Variants in CKMT2 observed in about 807,000 individuals in gnomAD.
CKMT2 encodes creatine kinase S-type, mitochondrial.
A neutral mutation model predicts 48.9 loss-of-function variants in CKMT2; 43 were observed. That is an observed-to-expected ratio of 0.88 (90% CI 0.69 to 1.13). CKMT2 has a LOEUF of 1.13. Among genes scored for constraint, CKMT2 ranks in the 50% most tolerant of loss-of-function variants. The probability of loss-of-function intolerance (pLI) is 0.00; values close to 1 mark genes in which losing one functional copy is unlikely to be tolerated. For missense variants in CKMT2, 472 were observed against 555.4 expected, an observed-to-expected ratio of 0.85 and a Z score of 1.51; for synonymous variants, 206 against 213.0, an observed-to-expected ratio of 0.97 and a Z score of 0.29.
chr5:81,255,001 A>G lies in CKMT2; in HGVS notation c.456A>G (p.Gln152=). ...TTDLDASKIT[Q]GQFDEHYVLS... ...CACAGTCTGCTTGGCAGATCACCCA[A>G]GGGCAGTTCGACGAGCATTACGTGC... The change falls in exon 5 of 10, where the codon CAA becomes CAG. Residue 152 remains glutamine (Q), a synonymous_variant. Transcript: ENST00000254035. 1 of 1,613,762 alleles carries G rather than the reference A, an allele frequency of 6.2e-7. No individual in the cohort carries two copies. The highest frequency in any genetic ancestry group is 2.2e-5 in the East Asian group (1 of 44,866).
At chr5:81,246,460 A>G (rs1242920747) in intron 1 of CKMT2, among the ~76,000 whole-genome samples, 1 of 152,052 alleles carries the variant, frequency 6.6e-6, no homozygotes, top group African/African-American at 2.4e-5. Flanking sequence ...TTTTCTCTGA[A>G]TAATATCCTG....
chr5:81,254,483 G>A lies in CKMT2; in HGVS notation c.439G>A (p.Ala147Thr). The A allele has an allele frequency of 6.2e-7, 1 of 1,613,778 alleles. No individual in the cohort carries two copies. The change falls in exon 4 of 10, where the codon GCA becomes ACA. Residue 147 changes from alanine to threonine, a missense_variant. Ala to Thr is a moderately conservative substitution (Grantham distance 58). Coordinates refer to ENST00000254035, the MANE Select transcript of CKMT2 (RefSeq NM_001099735.2). ...GATGAAGCACACAACGGATCTGGAT[G>A]CATCAAAGGTAGGCTCCAGCCTCCC... ...RVMKHTTDLD[A>T]SKITQGQFDE... is the part of the protein sequence containing the mutation.
At chr5:81,241,438 G>T (rs553366983) in intron 1 of CKMT2, among the ~76,000 whole-genome samples, 1 of 152,256 alleles carries the variant, frequency 6.6e-6, no homozygotes, top group African/African-American at 2.4e-5. Context: ...TTTCCTGCAA[G>T]GGCCTGGAAA....
intron 4 of CKMT2, 116 bp downstream of exon 4, chr5:81,254,607 GACTGC>G: frequency 1.2e-6 from 1 of 847,914 alleles, no homozygotes; most frequent in Non-Finnish European, 1.9e-6. Context: ...AAAGCACTGT[GACTGC>G]CCTGGCACAG....
At chr5:81,259,300 G>T (rs369661470) in intron 8 of CKMT2, 46 bp downstream of exon 8, 34 of 1,568,026 alleles carry the variant, frequency 2.2e-5, no homozygotes, top group Non-Finnish European at 2.9e-5. Context: ...GATCAGCTCA[G>T]ATGCGACTGC....
At chr5:81,253,021 A>G in intron 3 of CKMT2, 128 bp downstream of exon 3, 1 of 960,364 alleles carries the variant, frequency 1.0e-6, no homozygotes, top group South Asian at 1.5e-5. Context: ...GCTCTCATAA[A>G]GGGAAGCCAG....
chr5:81,233,749 A>G (rs1756173836), intron 1 of CKMT2, among the ~76,000 whole-genome samples: 1 of 152,172 alleles, frequency 6.6e-6, no homozygotes, highest in African/African-American at 2.4e-5. Context: ...CTTGTAATTC[A>G]CAGAGTCTAA....
At chr5:81,233,486 G>A (rs1436799838) in intron 1 of CKMT2, 109 bp downstream of exon 1, 2 of 793,680 alleles carry the variant, frequency 2.5e-6, no homozygotes, top group Non-Finnish European at 3.1e-6. Flanking sequence ...CGGGGACCCC[G>A]TTAGGACGCT....
chr5:81,247,871 T>C (rs1004739251), intron 1 of CKMT2, among the ~76,000 whole-genome samples: 3 of 152,206 alleles, frequency 2.0e-5, no homozygotes, highest in African/African-American at 7.2e-5. Flanking sequence ...AGTTCCAAGA[T>C]TGCTTTGCTA....
intron 4 of CKMT2, 99 bp downstream of exon 4, chr5:81,254,590 C>A (rs891343817): frequency 2.9e-6 from 3 of 1,029,586 alleles, no homozygotes; most frequent in East Asian, 4.8e-5. Flanking sequence ...AAGTCAGATA[C>A]CCCTGGAAAG....
intron 1 of CKMT2, among the ~76,000 whole-genome samples, chr5:81,243,644 C>T (rs903185333): frequency 5.3e-5 from 8 of 151,990 alleles, no homozygotes; most frequent in African/African-American, 1.9e-4. Flanking sequence ...CATAACAGGC[C>T]TTGAATGATG....
At chr5:81,251,596 CAAAACA>C (rs1334730870) in intron 2 of CKMT2, among the ~76,000 whole-genome samples, 6 of 151,918 alleles carry the variant, frequency 3.9e-5, no homozygotes, top group East Asian at 1.9e-4. Flanking sequence ...CAAAACAAAA[CAAAACA>C]AAAACAAAAA....
intron 3 of CKMT2, 26 bp from the exon 4 acceptor site, chr5:81,254,370 G>C (rs763568163): frequency 1.3e-6 from 2 of 1,597,264 alleles, no homozygotes; most frequent in Non-Finnish European, 1.7e-6. Context: ...CAGTTAAAGA[G>C]GAAACACCCA....
intron 1 of CKMT2, among the ~76,000 whole-genome samples, chr5:81,245,562 G>A (rs1756580680): frequency 6.6e-6 from 1 of 152,212 alleles, no homozygotes; most frequent in Non-Finnish European, 1.5e-5. Context: ...GAGGTCGTCT[G>A]TGAGTTGAAG....
At chr5:81,249,528 T>C (rs993754428) in intron 1 of CKMT2, among the ~76,000 whole-genome samples, 1 of 152,236 alleles carries the variant, frequency 6.6e-6, no homozygotes, top group Non-Finnish European at 1.5e-5. Flanking sequence ...CTCTAGGCAG[T>C]AGCAGACCCA....
chr5:81,256,030 G>GAAGTCTCTGATCTCTCCCA (rs1756996721), intron 5 of CKMT2, among the ~76,000 whole-genome samples: 1 of 152,138 alleles, frequency 6.6e-6, no homozygotes, highest in Non-Finnish European at 1.5e-5. Context: ...TCTCCTGGCT[G>GAAGTCTCTGATCTCTCCCA]AAGTCTCTGA....
intron 7 of CKMT2, among the ~76,000 whole-genome samples, chr5:81,258,191 C>T (rs562696848): frequency 3.3e-5 from 5 of 150,328 alleles, no homozygotes; most frequent in South Asian, 4.2e-4. Flanking sequence ...TGAGCCACCA[C>T]GCCCAGCCTC....
chr5:81,263,932 G>GT (rs1356808118), intron 9 of CKMT2, among the ~76,000 whole-genome samples: 1 of 152,172 alleles, frequency 6.6e-6, no homozygotes, highest in East Asian at 1.9e-4. Flanking sequence ...AAGGACTGCA[G>GT]TTTTTTTATT....
At chr5:81,264,488 AG>A (rs935027705) in intron 9 of CKMT2, among the ~76,000 whole-genome samples, 5 of 152,216 alleles carry the variant, frequency 3.3e-5, no homozygotes, top group Non-Finnish European at 7.3e-5. Context: ...AAGTACACTG[AG>A]GAAAAGGAAA....
Sources: allele counts gnomAD v4.1 joint callset (sites outside exome capture counted in the v4.1 genomes callset), GRCh38; gene constraint gnomAD v4.1.1; transcripts MANE v1.5; gene names NCBI Gene and HGNC (gene_info 2026-07-23, HGNC 2026-07-21).